The following TBC1D14 variants were observed in gnomAD, a reference collection of about 807,000 sequenced individuals.
TBC1D14 encodes TBC1 domain family, member 14.
TBC1D14 carries 26 observed loss-of-function variants against 79.0 expected under a neutral mutation model. That is an observed-to-expected ratio of 0.33 (90% CI 0.24 to 0.46). TBC1D14 has a LOEUF of 0.46. TBC1D14 is among the 20% of genes least tolerant of loss of function. The pLI, the probability that TBC1D14 is intolerant of heterozygous loss-of-function variation, is 1.00. For synonymous variants in TBC1D14, 394 were observed against 349.9 expected, an observed-to-expected ratio of 1.13 and a Z score of -1.40; for missense variants, 769 against 887.6, an observed-to-expected ratio of 0.87 and a Z score of 1.70.
At chr4:6,911,813 A>T (rs1024639600) in intron 1 of TBC1D14, among the ~76,000 whole-genome samples, 6 of 152,224 alleles carry the variant, frequency 3.9e-5, no homozygotes, top group Middle Eastern at 3.2e-3. Flanking sequence ...TCCCAGCCTC[A>T]GCACAGGGGA....
At chr4:6,926,133 G>A (rs190307264) in intron 2 of TBC1D14, among the ~76,000 whole-genome samples, 32 of 152,270 alleles carry the variant, frequency 2.1e-4, no homozygotes, top group Admixed American at 1.6e-3. Flanking sequence ...TGCTGTTGAC[G>A]AACGCCACAC....
chr4:6,987,767 G>A (rs1560312395), intron 3 of TBC1D14, among the ~76,000 whole-genome samples: 1 of 152,192 alleles, frequency 6.6e-6, no homozygotes, highest in South Asian at 2.1e-4. Context: ...ACTGCGCTCC[G>A]AGCTCTAGAG....
At chr4:6,933,143 T>C (rs1416379727) in intron 2 of TBC1D14, among the ~76,000 whole-genome samples, 2 of 151,570 alleles carry the variant, frequency 1.3e-5, no homozygotes, top group East Asian at 1.9e-4. Context: ...GCTTCTTTTG[T>C]GTGGAGTCCA....
chr4:6,978,453 G>A (rs1315431865), intron 3 of TBC1D14, among the ~76,000 whole-genome samples: 1 of 150,340 alleles, frequency 6.7e-6, no homozygotes, highest in Non-Finnish European at 1.5e-5. Context: ...CCAACCCTGT[G>A]CTCTCTGAAA....
intron 2 of TBC1D14, among the ~76,000 whole-genome samples, chr4:6,953,472 A>AAG (rs1370737513): frequency 2.1e-5 from 3 of 142,206 alleles, no homozygotes; most frequent in African/African-American, 7.6e-5. Context: ...AAAAAAAAAA[A>AAG]TACAAAAAAT....
intron 2 of TBC1D14, among the ~76,000 whole-genome samples, chr4:6,925,333 G>A (rs530486190): frequency 6.6e-6 from 1 of 152,312 alleles, no homozygotes; most frequent in African/African-American, 2.4e-5. Flanking sequence ...GGGCTCTGGG[G>A]CCGGGGCTTG....
At chr4:6,978,738 T>TAAAAAAAA (rs59534721) in intron 3 of TBC1D14, among the ~76,000 whole-genome samples, 2 of 108,478 alleles carry the variant, frequency 1.8e-5, no homozygotes, top group Non-Finnish European at 3.8e-5. Flanking sequence ...AATGATCAAT[T>TAAAAAAAA]AAAAAAAAAA....
chr4:6,994,923 G>A, intron 4 of TBC1D14, among the ~76,000 whole-genome samples: 1 of 151,774 alleles, frequency 6.6e-6, no homozygotes, highest in Non-Finnish European at 1.5e-5. Context: ...CTTGAAAGTT[G>A]TATGCTGGGG....
intron 3 of TBC1D14, among the ~76,000 whole-genome samples, chr4:6,979,146 G>T (rs913912427): frequency 6.6e-6 from 1 of 152,008 alleles, no homozygotes; most frequent in African/African-American, 2.4e-5. Context: ...AATCAAAATG[G>T]AGTTCTAAAA....
At chr4:7,020,617 C>T (rs983439080) in intron 12 of TBC1D14, among the ~76,000 whole-genome samples, 1 of 152,248 alleles carries the variant, frequency 6.6e-6, no homozygotes, top group African/African-American at 2.4e-5. Flanking sequence ...ATGGGTGAGA[C>T]TACCTGCTGA....
chr4:6,991,992 G>A (rs542887813), intron 3 of TBC1D14, among the ~76,000 whole-genome samples: 1 of 152,320 alleles, frequency 6.6e-6, no homozygotes, highest in South Asian at 2.1e-4. Flanking sequence ...TGGCACTAGA[G>A]CATGGTTTTC....
rs750658745 is a variant in TBC1D14 at position 6,923,926 on chromosome 4, C to T, written c.537C>T (p.Asp179=). 2.5e-6 allele frequency: 4 copies of T among 1,614,148 alleles called. No individual in the cohort carries two copies. The highest frequency in any genetic ancestry group is 3.3e-5 in the Admixed American group (2 of 60,024). The change falls in exon 2 of 14, where the codon GAC becomes GAT. Residue 179 remains aspartate, a synonymous_variant. Transcript: ENST00000409757. ...CCGTCAGCAATGAGGACATCTTGGA[C>T]CTTGTGGTCACGAGCAGCTCCAGTG... is the stretch of plus-strand genomic sequence containing the variant. The part of the protein sequence containing the change: ...TLSVSNEDIL[D]LVVTSSSSAI...
chr4:7,014,518 A>G lies in TBC1D14; in HGVS notation c.1718A>G (p.Lys573Arg), dbSNP rs773743334. 6.2e-7 allele frequency: 1 copy of G among 1,614,024 alleles called. No individual in the cohort carries two copies. The change falls in exon 12 of 14, where the codon AAG (lysine) becomes AGG (arginine). Residue 573 changes from lysine (K) to arginine (R), a missense_variant. Transcript: ENST00000409757. ...TTGCCGAAATTATTTGCGCATTTCA[A>G]GAAGAACAACCTAACTCCAGATATC... ...ENLPKLFAHFKKNNLTPDIYL... is the reference protein window; with the variant it reads ...ENLPKLFAHFRKNNLTPDIYL...
At chr4:7,023,630 G>A (rs1722044876) in intron 12 of TBC1D14, among the ~76,000 whole-genome samples, 1 of 152,194 alleles carries the variant, frequency 6.6e-6, no homozygotes. Context: ...CTGCCTCATG[G>A]TGTGTGCTGA....
At chr4:7,021,384 G>T (rs1005229492) in intron 12 of TBC1D14, among the ~76,000 whole-genome samples, 51 of 152,156 alleles carry the variant, frequency 3.4e-4, no homozygotes, top group Admixed American at 3.2e-3. Flanking sequence ...GATCATTTTA[G>T]CCCAGGAGTT....
At chr4:6,980,927 G>C (rs1271862645) in intron 3 of TBC1D14, among the ~76,000 whole-genome samples, 3 of 151,874 alleles carry the variant, frequency 2.0e-5, no homozygotes, top group Non-Finnish European at 4.4e-5. Context: ...GTGTTAGCCA[G>C]GATGGTCTCG....
At chr4:6,993,386 T>C (rs935981943) in intron 3 of TBC1D14, among the ~76,000 whole-genome samples, 92 of 152,262 alleles carry the variant, frequency 6.0e-4, no homozygotes, top group African/African-American at 2.0e-3. Context: ...GGTCACCGGG[T>C]GTGAATGAGC....
chr4:6,961,818 A>AGGGTGTATGCAGCC (rs1715229938), intron 2 of TBC1D14, among the ~76,000 whole-genome samples: 1 of 152,160 alleles, frequency 6.6e-6, no homozygotes, highest in African/African-American at 2.4e-5. Context: ...ATCTGTCTGC[A>AGGGTGTATGCAGCC]GGGTGTATGC....
At chr4:6,997,851 C>T (rs1719223080) in intron 5 of TBC1D14, among the ~76,000 whole-genome samples, 1 of 151,864 alleles carries the variant, frequency 6.6e-6, no homozygotes, top group Non-Finnish European at 1.5e-5. Flanking sequence ...ATGATGGGTG[C>T]TAGGGGTTGG....
Sources: gnomAD v4.1 joint callset for allele counts (sites outside exome capture counted in the v4.1 genomes callset) on GRCh38, gnomAD v4.1.1 for gene constraint, MANE v1.5 for transcripts, NCBI Gene and HGNC (gene_info 2026-07-23, HGNC 2026-07-21) for gene names.